The following LGR6 variants were observed in gnomAD, a reference collection of about 807,000 sequenced individuals.
LGR6 encodes the protein leucine-rich repeat-containing G protein-coupled receptor 6.
A neutral mutation model predicts 69.4 loss-of-function variants in LGR6; 45 were observed. That is an observed-to-expected ratio of 0.65 (90% CI 0.51 to 0.83). The LOEUF is 0.83. LGR6 is among the 40% of genes least tolerant of loss of function. LGR6 has a pLI of 0.00. For synonymous variants in LGR6, 538 were observed against 555.0 expected (o/e 0.97, Z 0.43); for missense variants, 1,108 against 1,246.7 (o/e 0.89, Z 1.68).
chr1:202,235,391 C>T (rs892619794), intron 3 of LGR6, among the ~76,000 whole-genome samples: 2 of 152,168 alleles, frequency 1.3e-5, no homozygotes, highest in Admixed American at 1.3e-4. Flanking sequence ...AGTGCAGATA[C>T]ACTCCTCTGG....
At chr1:202,315,106 A>G (rs1654046215) in intron 17 of LGR6, among the ~76,000 whole-genome samples, 1 of 152,232 alleles carries the variant, frequency 6.6e-6, no homozygotes, top group African/African-American at 2.4e-5. Context: ...GGCGAAGTCA[A>G]GCAATCAGCC....
At chr1:202,230,750 G>T (rs1360822909) in intron 3 of LGR6, among the ~76,000 whole-genome samples, 1 of 152,240 alleles carries the variant, frequency 6.6e-6, no homozygotes, top group Non-Finnish European at 1.5e-5. Context: ...AGAGCTGGGT[G>T]AGGCCTGAGG....
intron 2 of LGR6, among the ~76,000 whole-genome samples, chr1:202,226,813 C>G (rs1301049120): frequency 1.3e-5 from 2 of 152,192 alleles, no homozygotes; most frequent in Non-Finnish European, 2.9e-5. Flanking sequence ...GCAGGAAAGC[C>G]TTCCTGGAGG....
At chr1:202,262,908 A>G (rs921571305) in intron 4 of LGR6, among the ~76,000 whole-genome samples, 1 of 151,654 alleles carries the variant, frequency 6.6e-6, no homozygotes, top group Non-Finnish European at 1.5e-5. Flanking sequence ...AGTTCCATTT[A>G]CACTTCAATT....
At chr1:202,272,893 T>G (rs879911094) in intron 4 of LGR6, among the ~76,000 whole-genome samples, 2 of 152,200 alleles carry the variant, frequency 1.3e-5, no homozygotes, top group Non-Finnish European at 2.9e-5. Context: ...AGCACCTCCT[T>G]ATGGTACATG....
rs188462245 is a variant in LGR6 at position 202,236,194 on chromosome 1, C to T, written c.428+201C>T. On this transcript the variant is annotated intron_variant, in intron 4 of 17. Transcript: ENST00000367278. Reference sequence around the variant, plus strand: ...GTGTGTGGCTGTGTACACTCCTATGCATATTTCAGGAAAAGAGTGCTCCCA... The same window carrying T: ...GTGTGTGGCTGTGTACACTCCTATGTATATTTCAGGAAAAGAGTGCTCCCA... 4.4e-4 allele frequency: 260 copies of T among 592,508 alleles called. 4 individuals carry two copies. In the East Asian group the frequency reaches 6.3e-3, roughly 14 times the overall value. The allele number at this position is 592,508 out of a possible 1,614,324, so 36.7% of individuals were successfully genotyped here. A position where few individuals can be genotyped will look rare whatever the true frequency, so the allele number is the denominator to read the frequency against.
intron 4 of LGR6, among the ~76,000 whole-genome samples, chr1:202,262,457 T>C (rs1462523728): frequency 6.6e-6 from 1 of 152,138 alleles, no homozygotes; most frequent in Non-Finnish European, 1.5e-5. Context: ...TATCTCTGTT[T>C]TGGTACCAGT....
chr1:202,213,387 C>T (rs1255717518), intron 1 of LGR6, among the ~76,000 whole-genome samples: 1 of 152,072 alleles, frequency 6.6e-6, no homozygotes, highest in Non-Finnish European at 1.5e-5. Context: ...CTTTGCCTTT[C>T]CTTGGAGAAG....
At chr1:202,218,992 G>A (rs1571829537) in intron 1 of LGR6, among the ~76,000 whole-genome samples, 1 of 152,290 alleles carries the variant, frequency 6.6e-6, no homozygotes, top group Non-Finnish European at 1.5e-5. Flanking sequence ...TGAGCTCAGT[G>A]CACAGAAGCC....
chr1:202,212,593 T>C (rs1659505062), intron 1 of LGR6, among the ~76,000 whole-genome samples: 1 of 152,232 alleles, frequency 6.6e-6, no homozygotes, highest in Admixed American at 6.5e-5. Context: ...CTCCAATCTC[T>C]GCCTCTGTCT....
chr1:202,280,261 A>T (rs893199492), intron 5 of LGR6, among the ~76,000 whole-genome samples: 3 of 151,848 alleles, frequency 2.0e-5, no homozygotes, highest in African/African-American at 7.3e-5. Context: ...CACCTCTATA[A>T]AGCCTGCCTC....
At chr1:202,223,200 A>C (rs537145805) in intron 1 of LGR6, among the ~76,000 whole-genome samples, 1 of 152,330 alleles carries the variant, frequency 6.6e-6, no homozygotes, top group African/African-American at 2.4e-5. Context: ...TCCCATTTCT[A>C]GACCGGCAAG....
chr1:202,261,218 T>C (rs1664206098), intron 4 of LGR6, among the ~76,000 whole-genome samples: 1 of 151,620 alleles, frequency 6.6e-6, no homozygotes, highest in Non-Finnish European at 1.5e-5. Flanking sequence ...TATCTCCTAA[T>C]GCTAACTCTC....
intron 4 of LGR6, among the ~76,000 whole-genome samples, chr1:202,243,342 G>C (rs1317658869): frequency 6.6e-6 from 1 of 152,110 alleles, no homozygotes; most frequent in Admixed American, 6.5e-5. Flanking sequence ...TGGCTGCCTG[G>C]GGAGGTAGGG....
At chr1:202,289,332 G>A (rs1666626016) in intron 6 of LGR6, among the ~76,000 whole-genome samples, 1 of 152,148 alleles carries the variant, frequency 6.6e-6, no homozygotes, top group South Asian at 2.1e-4. Context: ...ATCCCCAATT[G>A]GGCCGGAATC....
intron 16 of LGR6, among the ~76,000 whole-genome samples, chr1:202,314,342 C>G (rs923307233): frequency 1.4e-4 from 22 of 152,324 alleles, no homozygotes; most frequent in Middle Eastern, 3.4e-3. Context: ...TCTCCCACCC[C>G]CTAGTTCACT....
chr1:202,208,068 C>T (rs1659322380), intron 1 of LGR6, among the ~76,000 whole-genome samples: 1 of 152,328 alleles, frequency 6.6e-6, no homozygotes, highest in Non-Finnish European at 1.5e-5. Context: ...TCCCACCCTC[C>T]TGCTGCAGTT....
chr1:202,313,566 G>C (rs981360777), intron 16 of LGR6, among the ~76,000 whole-genome samples: 2 of 152,124 alleles, frequency 1.3e-5, no homozygotes, highest in Admixed American at 6.5e-5. Context: ...CTCCTTATCT[G>C]TCACCTGCCT....
chr1:202,270,099 G>A (rs1318842814), intron 4 of LGR6, among the ~76,000 whole-genome samples: 1 of 152,126 alleles, frequency 6.6e-6, no homozygotes, highest in Non-Finnish European at 1.5e-5. Flanking sequence ...AGGGCCCCTG[G>A]TTTCCAAATA....
Sources: allele counts gnomAD v4.1 joint callset (sites outside exome capture counted in the v4.1 genomes callset), GRCh38; gene constraint gnomAD v4.1.1; transcripts MANE v1.5; gene names NCBI Gene and HGNC (gene_info 2026-07-23, HGNC 2026-07-21).